Variants in PCNX1 observed in about 807,000 individuals in gnomAD.
The protein encoded by PCNX1 is pecanex 1.
PCNX1 carries 78 observed loss-of-function variants against 242.2 expected under a neutral mutation model. The observed-to-expected ratio is 0.32, with a 90% confidence interval of 0.27 to 0.39. PCNX1 has a LOEUF of 0.39. Among genes scored for constraint, PCNX1 ranks in the 10% least tolerant of loss-of-function variants. PCNX1 has a pLI of 1.00. For missense variants in PCNX1, 2,581 were observed against 2,856.5 expected (o/e 0.90, Z 2.20); for synonymous variants, 1,024 against 1,032.9 (o/e 0.99, Z 0.17).
intron 27 of PCNX1, among the ~76,000 whole-genome samples, chr14:71,075,222 C>T (rs1214181549): frequency 6.6e-6 from 1 of 151,976 alleles, no homozygotes; most frequent in Non-Finnish European, 1.5e-5. Context: ...AAACTCTGGG[C>T]TCAAGCAGTT....
chr14:71,033,554 T>A lies in PCNX1; in HGVS notation c.3668+16T>A. 1 of 1,287,882 alleles carries A rather than the reference T, an allele frequency of 7.8e-7. No individual in the cohort carries two copies. Among genetic ancestry groups the A allele is most frequent in the Non-Finnish European group, 1.1e-6 (1 of 895,608 alleles). The allele number at this position is 1,287,882 out of a possible 1,614,324, so 79.8% of individuals were successfully genotyped here. ...CTGTACTTTTGTAAGTGAACTCAATTGTTATTGAATTAAAAGAAATTTAAG... is the reference window on the plus strand; with the variant it reads ...CTGTACTTTTGTAAGTGAACTCAATAGTTATTGAATTAAAAGAAATTTAAG... On this transcript the variant is annotated intron_variant, in intron 17 of 35. Transcript: ENST00000304743.
At chr14:71,030,468 T>G (rs2060352646) in intron 16 of PCNX1, among the ~76,000 whole-genome samples, 1 of 152,118 alleles carries the variant, frequency 6.6e-6, no homozygotes, top group Non-Finnish European at 1.5e-5. Context: ...TCTGGCCACC[T>G]CTAGGGTTTC....
chr14:70,912,306 T>G (rs1230014845), intron 1 of PCNX1, among the ~76,000 whole-genome samples: 1 of 152,156 alleles, frequency 6.6e-6, no homozygotes, highest in Non-Finnish European at 1.5e-5. Context: ...ACTCCTCCAG[T>G]TGACATCAGA....
chr14:71,012,838 A>T, intron 10 of PCNX1, 147 bp from the exon 11 acceptor site: 2 of 613,934 alleles, frequency 3.3e-6, no homozygotes, highest in Admixed American at 5.7e-5. Context: ...AAAAAAAAAA[A>T]GTGTATGAGA....
At chr14:71,012,906 G>T in intron 10 of PCNX1, 79 bp from the exon 11 acceptor site, 1 of 918,166 alleles carries the variant, frequency 1.1e-6, no homozygotes. Flanking sequence ...GTTGAATTAT[G>T]AAGATATTTT....
rs535334927 is a variant in PCNX1 at position 71,031,631 on chromosome 14, A to C, written c.3559-1798A>C. 1.7e-3 allele frequency: 1,081 copies of C among 632,036 alleles called. 4 individuals carry two copies. The highest frequency in any genetic ancestry group is 1.6e-3 in the Non-Finnish European group (555 of 340,336). 39.2% of individuals were successfully genotyped at this position (632,036 alleles called of 1,614,324 possible). ...TTAGGCAGCCCAGCTCTGCAGCTCA[A>C]CAGCTCTGTGGGTGGGACGTCTCTC... On this transcript the variant is annotated intron_variant, in intron 16 of 35. Transcript: ENST00000304743.
At chr14:71,059,820 C>G (rs1457979355) in intron 26 of PCNX1, among the ~76,000 whole-genome samples, 1 of 152,200 alleles carries the variant, frequency 6.6e-6, no homozygotes, top group Non-Finnish European at 1.5e-5. Context: ...GATCTGGCCT[C>G]TGCCAGTTTC....
intron 1 of PCNX1, among the ~76,000 whole-genome samples, chr14:70,944,386 T>A (rs1051239911): frequency 6.6e-6 from 1 of 152,244 alleles, no homozygotes; most frequent in Non-Finnish European, 1.5e-5. Flanking sequence ...ACTGCCCTGC[T>A]GGATTTTGGA....
Position 70,995,741 on chromosome 14 carries a change from C to G in PCNX1, c.2445C>G (p.Ser815Arg). Residue 815 changes from serine to arginine, a missense_variant and splice_region_variant, in exon 8 of 36, where the codon AGC (serine) becomes AGG (arginine). Physicochemically the swap from Ser to Arg is moderately radical, Grantham distance 110. This residue lies in a region of PCNX1 where 1,204 missense variants were observed against 1,216.7 expected (regional missense o/e 0.99). Transcript: ENST00000304743. ...PPTLLIGSPL[S>R]LQDGQQGQQS... ...CTCCCCAATCCATGTTTTTTCCTAG[C>G]CTTCAAGATGGTCAGCAAGGCCAGC... 6.2e-7 allele frequency: 1 copy of G among 1,613,360 alleles called. No individual in the cohort carries two copies. Among genetic ancestry groups the G allele is most frequent in the Non-Finnish European group, 8.5e-7 (1 of 1,179,532 alleles).
intron 5 of PCNX1, among the ~76,000 whole-genome samples, chr14:70,972,794 G>A (rs935832054): frequency 6.6e-6 from 1 of 152,064 alleles, no homozygotes; most frequent in African/African-American, 2.4e-5. Context: ...CCTACCTCTC[G>A]CTCATACCTT....
intron 6 of PCNX1, among the ~76,000 whole-genome samples, chr14:70,984,882 C>G: frequency 6.6e-6 from 1 of 152,060 alleles, no homozygotes. Context: ...AACTGATAGT[C>G]TATAATTGTA....
intron 12 of PCNX1, among the ~76,000 whole-genome samples, chr14:71,022,641 AT>A (rs1387858209): frequency 2.6e-5 from 4 of 152,232 alleles, no homozygotes; most frequent in African/African-American, 9.6e-5. Flanking sequence ...CCTTCTGAAC[AT>A]TTTTATGGGA....
Position 71,108,912 on chromosome 14 carries a change from A to G in PCNX1, c.6610A>G (p.Lys2204Glu), listed in dbSNP as rs2062695572. 3 of 1,614,202 alleles carry G rather than the reference A, an allele frequency of 1.9e-6. No homozygotes were observed. The highest frequency in any genetic ancestry group is 2.5e-6 in the Non-Finnish European group (3 of 1,180,022). ...SSSSQSIPAC[K>E]HHTLVGFLAT... ...CTCCAGCCAAAGCATCCCAGCCTGC[A>G]AACATCACACTCTCGTGGGCTTTCT... The change falls in exon 34 of 36, where the codon AAA (lysine) becomes GAA (glutamate). Residue 2204 changes from lysine (K) to glutamate (E), a missense_variant. Coordinates refer to ENST00000304743, the MANE Select transcript of PCNX1 (RefSeq NM_014982.3).
intron 5 of PCNX1, among the ~76,000 whole-genome samples, chr14:70,976,730 T>A (rs974319810): frequency 6.6e-6 from 1 of 152,190 alleles, no homozygotes; most frequent in African/African-American, 2.4e-5. Flanking sequence ...CTGAGGCCAG[T>A]TGAAGAACTC....
At position 70,912,808 on chromosome 14, in the gene PCNX1, G is replaced by A. The variant is rs1000214898; in HGVS notation, c.153+4805G>A. 2.0e-5 allele frequency among the ~76,000 whole-genome samples: 3 copies of A among 152,128 alleles called. 1 individual carries two copies. The highest frequency in any genetic ancestry group is 2.0e-4 in the Admixed American group (3 of 15,272). ...GTTTGTGCAGTTTTCCCACTGTGCT[G>A]TAGTCACACTGGCCTTTCTGTTACT... On this transcript the variant is annotated intron_variant, in intron 1 of 35. Transcript: ENST00000304743.
rs1386286314 is a variant in PCNX1 at position 70,971,300 on chromosome 14, G to A, written c.604+2190G>A. On this transcript the variant is annotated intron_variant, in intron 5 of 35. Coordinates refer to ENST00000304743, the MANE Select transcript of PCNX1 (RefSeq NM_014982.3). ...GCTGGGACTACAGGCGCCCGCCACC[G>A]CGCCCGGCTAATTTTTTGTATTTTT... is the stretch of plus-strand genomic sequence containing the variant. Among the ~76,000 whole-genome samples, 3 of 51,276 alleles carry A rather than the reference G, an allele frequency of 5.9e-5. 1 individual carries two copies. The highest frequency in any genetic ancestry group is 8.2e-5 in the Non-Finnish European group (2 of 24,278). 33.6% of individuals were successfully genotyped at this position (51,276 alleles called of 152,430 possible).
intron 34 of PCNX1, 96 bp from the exon 35 acceptor site, chr14:71,109,356 G>T: frequency 9.0e-7 from 1 of 1,110,694 alleles, no homozygotes; most frequent in Non-Finnish European, 1.3e-6. Context: ...AATTTAAAAA[G>T]TAATTCCTCT....
rs924474434 is a variant in PCNX1 at position 71,057,814 on chromosome 14, A to G, written c.4852+90A>G. 44 of 871,274 alleles carry G rather than the reference A, an allele frequency of 5.1e-5. No homozygotes were observed. In the East Asian group the frequency reaches 1.0e-3, roughly 20 times the overall value. 54.0% of individuals were successfully genotyped at this position (871,274 alleles called of 1,614,324 possible). On this transcript the variant is annotated intron_variant, in intron 26 of 35. Transcript: ENST00000304743. ...TCTATCTCAAACCAGAAGTTGTCAT[A>G]GAATTAGATATTTGGGATTGTGGAA... is the stretch of plus-strand genomic sequence containing the variant.
At chr14:70,987,249 G>A (rs1347893953) in intron 6 of PCNX1, among the ~76,000 whole-genome samples, 1 of 152,180 alleles carries the variant, frequency 6.6e-6, no homozygotes, top group Non-Finnish European at 1.5e-5. Flanking sequence ...ATAACTTTGT[G>A]TGATGATGGA....
Sources: gnomAD v4.1 joint callset for allele counts (sites outside exome capture counted in the v4.1 genomes callset) on GRCh38, gnomAD v4.1.1 for gene constraint, gnomAD v4.1.1 regional missense constraint, MANE v1.5 for transcripts, NCBI Gene and HGNC (gene_info 2026-07-23, HGNC 2026-07-21) for gene names.